The following GRID1 variants were observed in gnomAD, a reference collection of about 807,000 sequenced individuals.
The protein encoded by GRID1 is glutamate ionotropic receptor delta type subunit 1, also known as glutamate receptor ionotropic, delta-1.
GRID1 carries 28 observed loss-of-function variants against 98.0 expected under a neutral mutation model. The observed-to-expected ratio is 0.29, with a 90% CI of 0.21 to 0.39. GRID1 has a LOEUF of 0.39. Ranked by LOEUF, GRID1 falls within the 10% of genes least tolerant of loss-of-function variation. The pLI, the probability that GRID1 is intolerant of heterozygous loss-of-function variation, is 1.00. For synonymous variants in GRID1, 553 were observed against 538.5 expected, an observed-to-expected ratio of 1.03 and a Z score of -0.37; for missense variants, 1,111 against 1,340.5, an observed-to-expected ratio of 0.83 and a Z score of 2.67.
intron 4 of GRID1, among the ~76,000 whole-genome samples, chr10:85,925,592 A>G (rs1841763599): frequency 6.6e-6 from 1 of 152,192 alleles, no homozygotes; most frequent in Non-Finnish European, 1.5e-5. Context: ...TCCAAAACTG[A>G]TTAGAAATGT....
intron 8 of GRID1, among the ~76,000 whole-genome samples, chr10:85,769,483 G>C (rs923260084): frequency 6.6e-6 from 1 of 152,192 alleles, no homozygotes; most frequent in African/African-American, 2.4e-5. Context: ...GCAGGACAGT[G>C]GGTGCAGCAC....
intron 2 of GRID1, among the ~76,000 whole-genome samples, chr10:86,330,115 C>T (rs1446545816): frequency 6.6e-6 from 1 of 152,160 alleles, no homozygotes; most frequent in Non-Finnish European, 1.5e-5. Context: ...GAGACCGTGA[C>T]TCCCCCAGGG....
intron 3 of GRID1, among the ~76,000 whole-genome samples, chr10:86,164,997 T>TG (rs1210086321): frequency 6.6e-6 from 1 of 152,050 alleles, no homozygotes; most frequent in Non-Finnish European, 1.5e-5. Context: ...GAATGTTCAG[T>TG]GGGGGGTAGG....
intron 13 of GRID1, among the ~76,000 whole-genome samples, chr10:85,620,457 A>T (rs1423230918): frequency 1.3e-5 from 2 of 152,168 alleles, no homozygotes; most frequent in African/African-American, 4.8e-5. Context: ...AATAGGGGAG[A>T]ATAGAACTGT....
intron 12 of GRID1, among the ~76,000 whole-genome samples, chr10:85,713,810 G>T (rs190023598): frequency 6.6e-6 from 1 of 151,794 alleles, no homozygotes; most frequent in African/African-American, 2.4e-5. Flanking sequence ...CATCTTTCAT[G>T]ATAAAAATTT....
intron 9 of GRID1, among the ~76,000 whole-genome samples, chr10:85,729,180 A>G (rs1841795567): frequency 6.6e-6 from 1 of 152,042 alleles, no homozygotes; most frequent in African/African-American, 2.4e-5. Context: ...CAACTCTCCT[A>G]AGGACCAGTA....
chr10:85,760,756 G>A (rs1236858668), intron 8 of GRID1, among the ~76,000 whole-genome samples: 2 of 152,174 alleles, frequency 1.3e-5, no homozygotes, highest in Non-Finnish European at 2.9e-5. Flanking sequence ...GCTCCAGAAA[G>A]TGAGAATTAT....
At chr10:86,100,186 T>C (rs1844276556) in intron 4 of GRID1, among the ~76,000 whole-genome samples, 1 of 152,220 alleles carries the variant, frequency 6.6e-6, no homozygotes, top group Non-Finnish European at 1.5e-5. Context: ...CAAAGGCTTA[T>C]TGTGCAAAGT....
At chr10:85,727,650 T>G (rs1018201506) in intron 10 of GRID1, among the ~76,000 whole-genome samples, 2 of 151,978 alleles carry the variant, frequency 1.3e-5, no homozygotes, top group African/African-American at 2.4e-5. Context: ...GGAGGTAACA[T>G]AGAGTGTCAG....
chr10:86,264,651 G>C (rs1276861116), intron 2 of GRID1: 1 of 465,132 alleles, frequency 2.1e-6, no homozygotes, highest in Non-Finnish European at 4.4e-6. Flanking sequence ...GAGCGAAGTG[G>C]TGAGTCTGTA....
At chr10:85,863,040 C>G (rs1843179749) in intron 6 of GRID1, among the ~76,000 whole-genome samples, 1 of 152,178 alleles carries the variant, frequency 6.6e-6, no homozygotes, top group Non-Finnish European at 1.5e-5. Flanking sequence ...CACCCAACTC[C>G]CCATCGCGTA....
In GRID1 at chr10:85,869,001, A is replaced by G. The variant is rs753834053; in HGVS notation, c.951+9T>C. 9 of 1,612,016 alleles carry G rather than the reference A, an allele frequency of 5.6e-6. No individual in the cohort carries two copies. In the South Asian group the frequency reaches 8.8e-5, roughly 16 times the overall value. On this transcript the variant is annotated intron_variant, in intron 6 of 15. Coordinates refer to ENST00000327946, the MANE Select transcript of GRID1 (RefSeq NM_017551.3). ...GGAGGGGACTGGAGAGAAGAGGCTG[A>G]GCACTGACCTGCAGCATCTGGAGGT...
chr10:86,262,150 G>A (rs1037722327), intron 2 of GRID1, among the ~76,000 whole-genome samples: 1 of 152,246 alleles, frequency 6.6e-6, no homozygotes, highest in African/African-American at 2.4e-5. Context: ...GAGGAAGCAG[G>A]GGAAGAAAGG....
intron 13 of GRID1, among the ~76,000 whole-genome samples, chr10:85,621,119 AC>A (rs1842854343): frequency 6.6e-6 from 1 of 152,166 alleles, no homozygotes. Flanking sequence ...GGAGATGCAA[AC>A]CTGACACTGC....
At chr10:86,333,555 G>A (rs1244339549) in intron 2 of GRID1, among the ~76,000 whole-genome samples, 1 of 152,172 alleles carries the variant, frequency 6.6e-6, no homozygotes, top group Admixed American at 6.5e-5. Context: ...AGGTTGGGGC[G>A]CTGACCCCTC....
At chr10:85,991,118 G>T (rs1842674082) in intron 4 of GRID1, among the ~76,000 whole-genome samples, 1 of 152,144 alleles carries the variant, frequency 6.6e-6, no homozygotes, top group Non-Finnish European at 1.5e-5. Context: ...GTAGAGAGAT[G>T]CCCAGAGTTG....
chr10:85,780,591 A>C (rs1842372880), intron 8 of GRID1, among the ~76,000 whole-genome samples: 1 of 152,162 alleles, frequency 6.6e-6, no homozygotes, highest in East Asian at 1.9e-4. Context: ...TACTGAGCCG[A>C]TGTTTTCGAA....
chr10:86,161,912 T>C (rs1241614207), intron 3 of GRID1, among the ~76,000 whole-genome samples: 1 of 152,076 alleles, frequency 6.6e-6, no homozygotes, highest in Non-Finnish European at 1.5e-5. Flanking sequence ...ACCAAATCAA[T>C]AGAGAAGGCA....
At chr10:86,295,596 G>A (rs1847577280) in intron 2 of GRID1, among the ~76,000 whole-genome samples, 1 of 152,146 alleles carries the variant, frequency 6.6e-6, no homozygotes, top group African/African-American at 2.4e-5. Context: ...AGAGGGGAAG[G>A]TCAGACGGAG....
Sources: allele counts gnomAD v4.1 joint callset (sites outside exome capture counted in the v4.1 genomes callset), GRCh38; gene constraint gnomAD v4.1.1; transcripts MANE v1.5; gene names NCBI Gene and HGNC (gene_info 2026-07-23, HGNC 2026-07-21).